Variants in TIAL1 observed in about 807,000 individuals in gnomAD.
TIAL1 encodes nucleolysin TIAR.
TIAL1 carries 7 observed loss-of-function variants against 59.7 expected under a neutral mutation model. The observed-to-expected ratio is 0.12, with a 90% CI of 0.07 to 0.22. The LOEUF is 0.22. Among genes scored for constraint, TIAL1 ranks in the 10% least tolerant of loss-of-function variants. The pLI, the probability that TIAL1 is intolerant of heterozygous loss-of-function variation, is 1.00. For synonymous variants in TIAL1, 149 were observed against 146.3 expected, an observed-to-expected ratio of 1.02 and a Z score of -0.13; for missense variants, 225 against 462.5, an observed-to-expected ratio of 0.49 and a Z score of 4.71.
intron 1 of TIAL1, 41 bp downstream of exon 1, chr10:119,596,393 G>A (rs768689064): frequency 3.7e-6 from 6 of 1,609,794 alleles, no homozygotes; most frequent in East Asian, 4.5e-5. Flanking sequence ...CGCGGTGCCC[G>A]GGCCTCTTGG....
At chr10:119,576,918 A>G in intron 10 of TIAL1, 162 bp downstream of exon 10, 1 of 1,316,706 alleles carries the variant, frequency 7.6e-7, no homozygotes, top group South Asian at 1.5e-5. Context: ...GTGAAAAGAA[A>G]GTATTAAGAT....
chr10:119,577,562 C>T, intron 8 of TIAL1, 27 bp from the exon 9 acceptor site: 1 of 1,609,708 alleles, frequency 6.2e-7, no homozygotes, highest in Non-Finnish European at 8.5e-7. Context: ...ACAAATAAAA[C>T]ATGGCTGATG....
chr10:119,596,343 G>A (rs2134022870), intron 1 of TIAL1, 91 bp downstream of exon 1: 2 of 1,464,676 alleles, frequency 1.4e-6, no homozygotes, highest in African/African-American at 1.4e-5. Flanking sequence ...CTAGAGTCCC[G>A]GCTTCGGCCC....
At chr10:119,587,374 C>T (rs964366960) in intron 2 of TIAL1, among the ~76,000 whole-genome samples, 3 of 152,198 alleles carry the variant, frequency 2.0e-5, no homozygotes, top group African/African-American at 7.2e-5. Context: ...TACTACTATC[C>T]TTTCAAGGTT....
intron 1 of TIAL1, among the ~76,000 whole-genome samples, chr10:119,595,931 T>A (rs1846154604): frequency 6.6e-6 from 1 of 151,632 alleles, no homozygotes; most frequent in Non-Finnish European, 1.5e-5. Context: ...GTGTCCTGCT[T>A]CCTCCGAGAG....
intron 1 of TIAL1, chr10:119,588,487 G>A (rs1845686589): frequency 7.3e-6 from 2 of 273,500 alleles, no homozygotes; most frequent in East Asian, 1.4e-4. Context: ...GGGATTACAG[G>A]CGCATGCCAC....
chr10:119,576,418 C>T (rs865954845), intron 11 of TIAL1, among the ~76,000 whole-genome samples, 193 bp downstream of exon 11: 3 of 152,302 alleles, frequency 2.0e-5, no homozygotes, highest in East Asian at 3.9e-4. Context: ...CCCAATCCCC[C>T]CTTTCCACCT....
intron 7 of TIAL1, among the ~76,000 whole-genome samples, chr10:119,578,447 G>A (rs1042457667): frequency 5.3e-5 from 8 of 151,826 alleles, no homozygotes; most frequent in African/African-American, 9.7e-5. Context: ...CCTGGACAAC[G>A]TAACCAGACC....
intron 6 of TIAL1, among the ~76,000 whole-genome samples, chr10:119,579,405 C>T (rs150654436): frequency 2.8e-4 from 42 of 152,178 alleles, no homozygotes; most frequent in Non-Finnish European, 5.3e-4. Flanking sequence ...AATCAAAGCC[C>T]ACTTTATTAT....
At position 119,582,313 on chromosome 10, in the gene TIAL1, T is replaced by G; in HGVS notation, c.229-90A>C. ...TATTAAATCATTTATCAAGCAGGGT[T>G]ATTTTTGTAAAAGCACTAAGCTGAA... On this transcript the variant is annotated intron_variant, in intron 3 of 11. Transcript: ENST00000436547. The surrounding 1 kb of genome is among the most constrained non-coding windows in gnomAD (Gnocchi z 5.1). 1 of 1,474,376 alleles carries G rather than the reference T, an allele frequency of 6.8e-7. No individual in the cohort carries two copies. The highest frequency in any genetic ancestry group is 9.2e-7 in the Non-Finnish European group (1 of 1,092,854). The allele number at this position is 1,474,376 out of a possible 1,614,324, so 91.3% of individuals were successfully genotyped here. A position where few individuals can be genotyped will look rare whatever the true frequency, so the allele number is the denominator to read the frequency against.
intron 1 of TIAL1, among the ~76,000 whole-genome samples, chr10:119,590,964 T>C (rs1287119168): frequency 2.6e-5 from 4 of 152,204 alleles, no homozygotes; most frequent in Non-Finnish European, 4.4e-5. Context: ...AATAGAATTA[T>C]CATTTTAATA....
intron 1 of TIAL1, among the ~76,000 whole-genome samples, chr10:119,594,684 G>A (rs1417313985): frequency 2.0e-5 from 3 of 152,132 alleles, no homozygotes; most frequent in African/African-American, 4.8e-5. Flanking sequence ...GAGTGCAGTG[G>A]TGCAATCTCG....
intron 1 of TIAL1, among the ~76,000 whole-genome samples, chr10:119,592,656 T>A (rs963655219): frequency 2.6e-5 from 4 of 152,198 alleles, no homozygotes; most frequent in Non-Finnish European, 5.9e-5. Context: ...GATCTCTAAT[T>A]AATTGTTCAA....
chr10:119,577,623 G>C lies in TIAL1; in HGVS notation c.652+18C>G. 5 of 1,612,446 alleles carry C rather than the reference G, an allele frequency of 3.1e-6. No homozygotes were observed. Among genetic ancestry groups the C allele is most frequent in the Non-Finnish European group, 2.5e-6 (3 of 1,178,526 alleles). ...TGATGAAGCTCCTCAGAGGTGATTA[G>C]AAAACCAAACATTGTACCTGTTAAC... On this transcript the variant is annotated intron_variant, in intron 8 of 11. Transcript: ENST00000436547.
Position 119,577,555 on chromosome 10 carries a change from A to G in TIAL1, c.653-20T>C. The G allele has an allele frequency of 1.9e-6, 3 of 1,611,076 alleles. No homozygotes were observed. Among genetic ancestry groups the G allele is most frequent in the Non-Finnish European group, 2.5e-6 (3 of 1,177,358 alleles). On this transcript the variant is annotated intron_variant, in intron 8 of 11. Coordinates refer to ENST00000436547, the MANE Select transcript of TIAL1 (RefSeq NM_003252.4). ...GCTGATCTATAAAACAAAACATACA[A>G]ATAAAACATGGCTGATGTGTATCAT...
rs142634807 is a variant in TIAL1, at chr10:119,577,675, A to G, written c.618T>C (p.Thr206=). 1,727 of 1,614,202 alleles carry G rather than the reference A, an allele frequency of 1.1e-3. 1 individual carries two copies. The highest frequency in any genetic ancestry group is 1.3e-3 in the Non-Finnish European group (1,593 of 1,180,010). ...CAGACGCAATTCCTCCACAGTACAC[A>G]GTACAATTTTTTGGACTTGACTGGT... ...VVNQSSPKNC[T]VYCGGIASGL... Residue 206 remains threonine (T), a synonymous_variant, in exon 8 of 12, where the codon ACT becomes ACC. Transcript: ENST00000436547.
intron 8 of TIAL1, 23 bp downstream of exon 8, chr10:119,577,618 G>T: frequency 6.2e-7 from 1 of 1,609,770 alleles, no homozygotes; most frequent in Non-Finnish European, 8.5e-7. Flanking sequence ...CCTCAGAGGT[G>T]ATTAGAAAAC....
At chr10:119,584,344 T>C (rs912660841) in intron 2 of TIAL1, among the ~76,000 whole-genome samples, 1 of 151,798 alleles carries the variant, frequency 6.6e-6, no homozygotes, top group Non-Finnish European at 1.5e-5. Context: ...ATTTGTATTA[T>C]ATAAGGAAAG....
rs187631876 is a variant in TIAL1, at chr10:119,581,906, T to C, written c.371+16A>G. The stretch of plus-strand genomic sequence containing the variant: ...TGCCTATCATGACTGAGTGTAGTAC[T>C]GATTATGATACTTACGATATTTTAC... On this transcript the variant is annotated intron_variant, in intron 5 of 11. Transcript: ENST00000436547. 171 of 1,588,542 alleles carry C rather than the reference T, an allele frequency of 1.1e-4. No individual in the cohort carries two copies. The African/African-American group carries it at 2.2e-3, about 20-fold the overall frequency.
Sources: gnomAD v4.1 joint callset for allele counts (sites outside exome capture counted in the v4.1 genomes callset) on GRCh38, gnomAD v4.1.1 for gene constraint, Gnocchi (gnomAD v3.1) non-coding constraint, MANE v1.5 for transcripts, NCBI Gene and HGNC (gene_info 2026-07-23, HGNC 2026-07-21) for gene names.